Variants in PRORP observed in about 807,000 individuals in gnomAD.
PRORP encodes the protein protein only RNase P catalytic subunit, also known as mitochondrial ribonuclease P catalytic subunit.
A neutral mutation model predicts 59.4 loss-of-function variants in PRORP; 51 were observed. The ratio of observed to expected loss-of-function variants is 0.86; its 90% CI spans 0.69 to 1.08. PRORP has a LOEUF of 1.08. PRORP is among the 50% of genes least tolerant of loss of function. The probability of loss-of-function intolerance (pLI) is 0.00; values close to 1 mark genes in which losing one functional copy is unlikely to be tolerated. For missense variants in PRORP, 646 were observed against 690.3 expected, an observed-to-expected ratio of 0.94 and a Z score of 0.72; for synonymous variants, 231 against 245.6, an observed-to-expected ratio of 0.94 and a Z score of 0.55.
At chr14:35,131,024 A>T (rs1386886366) in intron 4 of PRORP, among the ~76,000 whole-genome samples, 1 of 151,248 alleles carries the variant, frequency 6.6e-6, no homozygotes, top group African/African-American at 2.4e-5. Flanking sequence ...GCTTACTGCA[A>T]CCTCCGCCTC....
At chr14:35,127,905 G>A (rs959960227) in intron 4 of PRORP, among the ~76,000 whole-genome samples, 1 of 152,156 alleles carries the variant, frequency 6.6e-6, no homozygotes, top group Non-Finnish European at 1.5e-5. Context: ...TAGAATAATT[G>A]GGTTAGACCA....
chr14:35,123,113 A>T lies in PRORP; in HGVS notation c.-133A>T. 1 of 903,698 alleles carries T rather than the reference A, an allele frequency of 1.1e-6. No individual in the cohort carries two copies. The highest frequency in any genetic ancestry group is 1.7e-6 in the Non-Finnish European group (1 of 602,554). 56.0% of individuals were successfully genotyped at this position (903,698 alleles called of 1,614,324 possible). ...AAAGCAGAACCTTGATTTGTCTGTA[A>T]GGAAGAAACACAAACCTTTTAAAAA... On this transcript the variant is annotated 5_prime_UTR_variant, in exon 2 of 8. The change creates a new upstream start codon in the 5' untranslated region. Transcript: ENST00000534898.
chr14:35,215,970 T>A (rs1250025823), intron 5 of PRORP, among the ~76,000 whole-genome samples: 3 of 151,666 alleles, frequency 2.0e-5, no homozygotes, highest in Non-Finnish European at 4.4e-5. Flanking sequence ...TTTCACCACG[T>A]TGGCCAGCCT....
rs762557804 is a variant in PRORP, at chr14:35,201,631, T to TTTTA, written c.1275+20879_1275+20882dup. Among the ~76,000 whole-genome samples, 435 of 151,586 alleles carry TTTTA rather than the reference T, an allele frequency of 2.9e-3. 4 individuals are homozygous for TTTTA. Among genetic ancestry groups the TTTTA allele is most frequent in the East Asian group, 0.014 (70 of 5,160 alleles). On this transcript the variant is annotated intron_variant, in intron 5 of 7. Coordinates refer to ENST00000534898, the MANE Select transcript of PRORP (RefSeq NM_014672.4). ...ACAAAATGCCTCATTGTATACAAAA[T>TTTTA]TTTATTTATTTATTTATTTATTTAT...
intron 5 of PRORP, chr14:35,262,685 T>C (rs2050936147): frequency 8.8e-6 from 7 of 796,168 alleles, no homozygotes; most frequent in South Asian, 1.3e-5. Context: ...TTTGTAGTCA[T>C]GTACAGAACA....
intron 4 of PRORP, among the ~76,000 whole-genome samples, chr14:35,140,266 C>T (rs947333271): frequency 6.9e-6 from 1 of 144,460 alleles, no homozygotes; most frequent in Admixed American, 7.2e-5. Context: ...AGAAACTGCC[C>T]AACTGTTTTC....
At chr14:35,218,534 TTTTTTTTG>T (rs1174126626) in intron 5 of PRORP, among the ~76,000 whole-genome samples, 1 of 48,172 alleles carries the variant, frequency 2.1e-5, no homozygotes, top group African/African-American at 9.0e-5. Context: ...TTTTTTTTTT[TTTTTTTTG>T]TTGAGACAGA....
intron 4 of PRORP, among the ~76,000 whole-genome samples, chr14:35,169,940 G>T (rs1453924808): frequency 2.0e-5 from 3 of 152,192 alleles, no homozygotes; most frequent in Non-Finnish European, 2.9e-5. Context: ...ATCTGTAATT[G>T]TAGAGTTACC....
chr14:35,267,419 G>C (rs1323292760), intron 6 of PRORP, among the ~76,000 whole-genome samples: 1 of 152,192 alleles, frequency 6.6e-6, no homozygotes, highest in Non-Finnish European at 1.5e-5. Context: ...TGAGGGGGCA[G>C]ATTCGATGAG....
At chr14:35,132,652 T>C (rs2047274520) in intron 4 of PRORP, among the ~76,000 whole-genome samples, 1 of 151,220 alleles carries the variant, frequency 6.6e-6, no homozygotes, top group Non-Finnish European at 1.5e-5. Flanking sequence ...CTGGAAATGG[T>C]GGTGCGTGCC....
intron 4 of PRORP, among the ~76,000 whole-genome samples, chr14:35,175,678 C>T (rs1390764050): frequency 2.0e-5 from 3 of 151,756 alleles, no homozygotes; most frequent in Non-Finnish European, 2.9e-5. Flanking sequence ...AATTTTCTCC[C>T]ATTCTGTAGG....
At chr14:35,183,865 T>C (rs979433076) in intron 5 of PRORP, among the ~76,000 whole-genome samples, 6 of 152,196 alleles carry the variant, frequency 3.9e-5, no homozygotes, top group African/African-American at 1.4e-4. Context: ...GGACAAACTT[T>C]AATGAAATAG....
At position 35,251,750 on chromosome 14, in the gene PRORP, T is replaced by C. The variant is rs540327880; in HGVS notation, c.1276-14977T>C. Among the ~76,000 whole-genome samples the C allele has an allele frequency of 5.9e-5, 9 of 152,014 alleles. No homozygotes were observed. In the East Asian group the frequency reaches 1.6e-3, roughly 26 times the overall value. On this transcript the variant is annotated intron_variant, in intron 5 of 7. Coordinates refer to ENST00000534898, the MANE Select transcript of PRORP (RefSeq NM_014672.4). ...TTGTATTTTTAGTAGAGACGGGGGT[T>C]TCACCATCTTGGCCAGGCTGGTCTC...
intron 5 of PRORP, chr14:35,218,920 A>T (rs1254409751): frequency 6.6e-6 from 1 of 152,186 alleles, no homozygotes; most frequent in Non-Finnish European, 1.5e-5. Context: ...AGACTCTAGT[A>T]CAAAGGGTCA....
intron 5 of PRORP, among the ~76,000 whole-genome samples, chr14:35,237,274 G>C (rs1161271626): frequency 6.6e-6 from 1 of 151,582 alleles, no homozygotes; most frequent in Non-Finnish European, 1.5e-5. Flanking sequence ...TAAATTTTTC[G>C]TAGAGACAAA....
chr14:35,268,451 A>G (rs575813044), intron 6 of PRORP, among the ~76,000 whole-genome samples: 2 of 152,124 alleles, frequency 1.3e-5, no homozygotes, highest in African/African-American at 2.4e-5. Flanking sequence ...TATGAACTCA[A>G]TGCACTGTTG....
At chr14:35,134,754 A>AG (rs2047332221) in intron 4 of PRORP, among the ~76,000 whole-genome samples, 1 of 152,250 alleles carries the variant, frequency 6.6e-6, no homozygotes, top group East Asian at 1.9e-4. Flanking sequence ...GCCTGGGCTT[A>AG]GGGGAGGTAT....
chr14:35,188,281 C>G (rs2048793113), intron 5 of PRORP, among the ~76,000 whole-genome samples: 1 of 149,752 alleles, frequency 6.7e-6, no homozygotes, highest in Admixed American at 6.7e-5. Context: ...ACCTCCACCT[C>G]CCGGGTTCAA....
Position 35,123,489 on chromosome 14 carries a change from C to A in PRORP, c.244C>A (p.Pro82Thr). 1.2e-6 allele frequency: 2 copies of A among 1,614,122 alleles called. No homozygotes were observed. Among genetic ancestry groups the A allele is most frequent in the Non-Finnish European group, 8.5e-7 (1 of 1,180,030 alleles). ...EGSNKQVYSV[P>T]HFFLAGAAKE... ...CAGTAATAAGCAAGTTTATTCTGTT[C>A]CTCATTTTTTTTTAGCTGGAGCAGC... is the stretch of plus-strand genomic sequence containing the variant. Residue 82 changes from proline (P) to threonine (T), a missense_variant, in exon 2 of 8, where the codon CCT becomes ACT. Coordinates refer to ENST00000534898, the MANE Select transcript of PRORP (RefSeq NM_014672.4).
Sources: allele counts gnomAD v4.1 joint callset (sites outside exome capture counted in the v4.1 genomes callset), GRCh38; gene constraint gnomAD v4.1.1; transcripts MANE v1.5; gene names NCBI Gene and HGNC (gene_info 2026-07-23, HGNC 2026-07-21).